SLC4A10: variants seen among roughly 807,000 people sequenced by gnomAD.
SLC4A10 encodes solute carrier family 4 member 10.
Under a neutral mutation model 137.7 loss-of-function variants are expected in SLC4A10, and 42 were observed. The ratio of observed to expected loss-of-function variants is 0.30; its 90% CI spans 0.24 to 0.39. SLC4A10 has a LOEUF of 0.39. SLC4A10 is among the 10% of genes least tolerant of loss of function. SLC4A10 has a pLI of 1.00. For missense variants in SLC4A10, 925 were observed against 1,355.0 expected, an observed-to-expected ratio of 0.68 and a Z score of 4.98; for synonymous variants, 474 against 464.1, an observed-to-expected ratio of 1.02 and a Z score of -0.27.
At chr2:161,824,193 T>A (rs1415853212) in intron 3 of SLC4A10, among the ~76,000 whole-genome samples, 2 of 152,146 alleles carry the variant, frequency 1.3e-5, no homozygotes, top group African/African-American at 4.8e-5. Flanking sequence ...ACAAAACTTA[T>A]AATCAGCTTC....
intron 15 of SLC4A10, among the ~76,000 whole-genome samples, chr2:161,941,196 G>A (rs1367480402): frequency 1.3e-5 from 2 of 152,034 alleles, no homozygotes; most frequent in Non-Finnish European, 2.9e-5. Context: ...TTTCACCAGA[G>A]GCTCAAAATC....
intron 15 of SLC4A10, among the ~76,000 whole-genome samples, chr2:161,939,553 G>A (rs1038658493): frequency 6.6e-6 from 1 of 152,032 alleles, no homozygotes; most frequent in African/African-American, 2.4e-5. Flanking sequence ...ATAGGTAACT[G>A]TCTTTACATT....
intron 1 of SLC4A10, among the ~76,000 whole-genome samples, chr2:161,734,209 G>C (rs2047095558): frequency 6.6e-6 from 1 of 152,164 alleles, no homozygotes; most frequent in African/African-American, 2.4e-5. Context: ...GGGGTGGAAT[G>C]ATATGGTTTG....
At chr2:161,648,042 G>A (rs2036293643) in intron 1 of SLC4A10, among the ~76,000 whole-genome samples, 1 of 152,130 alleles carries the variant, frequency 6.6e-6, no homozygotes, top group Non-Finnish European at 1.5e-5. Context: ...CTGCCTCTGT[G>A]TTCTACATCT....
chr2:161,857,327 G>A (rs545792701), intron 5 of SLC4A10, among the ~76,000 whole-genome samples: 10 of 152,192 alleles, frequency 6.6e-5, no homozygotes, highest in East Asian at 5.8e-4. Flanking sequence ...TATTCTTTCT[G>A]CTCTTCTAAT....
At chr2:161,655,716 CAA>C (rs1476090853) in intron 1 of SLC4A10, among the ~76,000 whole-genome samples, 1 of 152,022 alleles carries the variant, frequency 6.6e-6, no homozygotes, top group African/African-American at 2.4e-5. Flanking sequence ...CAAAACCAGA[CAA>C]AGACATTATA....
chr2:161,713,141 T>C (rs1253325978), intron 1 of SLC4A10, among the ~76,000 whole-genome samples: 5 of 151,866 alleles, frequency 3.3e-5, no homozygotes, highest in African/African-American at 1.2e-4. Context: ...ATAGTTCATT[T>C]TGGCTATAGC....
intron 15 of SLC4A10, among the ~76,000 whole-genome samples, chr2:161,917,495 AC>A (rs1010201215): frequency 7.3e-5 from 11 of 150,644 alleles, no homozygotes; most frequent in Admixed American, 2.7e-4. Context: ...ACTGCCTTGA[AC>A]CCCTGAGGTG....
At chr2:161,648,088 G>T (rs1448612363) in intron 1 of SLC4A10, among the ~76,000 whole-genome samples, 3 of 152,038 alleles carry the variant, frequency 2.0e-5, no homozygotes, top group African/African-American at 7.2e-5. Context: ...TTATTTTCAA[G>T]AAAAAATTTT....
chr2:161,702,198 ACAATGAAATATTATATAG>A (rs777288586), intron 1 of SLC4A10, among the ~76,000 whole-genome samples: 25 of 152,070 alleles, frequency 1.6e-4, no homozygotes, highest in South Asian at 4.1e-4. Context: ...GTATATATAA[ACAATGAAATATTATATAG>A]CCATAAAAAG....
intron 15 of SLC4A10, among the ~76,000 whole-genome samples, chr2:161,912,848 G>A (rs1686178133): frequency 6.6e-6 from 1 of 152,112 alleles, no homozygotes; most frequent in Non-Finnish European, 1.5e-5. Context: ...GAGGATATAA[G>A]AATCTAGAAA....
At chr2:161,909,685 G>T (rs1215403068) in intron 15 of SLC4A10, among the ~76,000 whole-genome samples, 1 of 151,638 alleles carries the variant, frequency 6.6e-6, no homozygotes, top group Non-Finnish European at 1.5e-5. Flanking sequence ...TTGCTCCTTG[G>T]AGTAGCAAAA....
intron 15 of SLC4A10, among the ~76,000 whole-genome samples, chr2:161,914,715 GA>G (rs1686699203): frequency 6.6e-6 from 1 of 152,020 alleles, no homozygotes; most frequent in African/African-American, 2.4e-5. Context: ...TCCTCACTCT[GA>G]AATGATATGA....
rs555739088 is a variant in SLC4A10, at chr2:161,751,921, C to A, written c.49-19052C>A. On this transcript the variant is annotated intron_variant, in intron 1 of 26. Transcript: ENST00000446997. ...TACTCAAGTACATCTTTATACAATC[C>A]TAACCTCCCTATGTCTCAGACCCTT... Among the ~76,000 whole-genome samples the A allele has an allele frequency of 3.6e-4, 55 of 151,944 alleles. No homozygotes were observed. In the South Asian group the frequency reaches 7.5e-3, roughly 21 times the overall value.
chr2:161,964,065 A>T, intron 21 of SLC4A10, 70 bp from the exon 22 acceptor site: 1 of 1,381,954 alleles, frequency 7.2e-7, no homozygotes. Context: ...GGACCATATT[A>T]AACATCAACT....
chr2:161,933,500 C>T (rs967211792), intron 15 of SLC4A10, among the ~76,000 whole-genome samples: 2 of 151,980 alleles, frequency 1.3e-5, no homozygotes, highest in Admixed American at 1.3e-4. Context: ...TCAAGCAATA[C>T]TTCTGCCTCA....
intron 4 of SLC4A10, among the ~76,000 whole-genome samples, chr2:161,845,099 G>T (rs149818749): frequency 1.3e-5 from 2 of 152,122 alleles, no homozygotes; most frequent in East Asian, 3.9e-4. Context: ...CTGCAATCAG[G>T]CATTTTGCAA....
chr2:161,715,882 G>A (rs1406145572), intron 1 of SLC4A10, among the ~76,000 whole-genome samples: 1 of 151,956 alleles, frequency 6.6e-6, no homozygotes, highest in Non-Finnish European at 1.5e-5. Flanking sequence ...TGGTATTTCT[G>A]GTTGCAGGTC....
chr2:161,812,669 G>A (rs1236456397), intron 3 of SLC4A10, among the ~76,000 whole-genome samples: 1 of 152,002 alleles, frequency 6.6e-6, no homozygotes. Flanking sequence ...GCCTCCAGCT[G>A]CATTCATGTT....
Sources: gnomAD v4.1 joint callset for allele counts (sites outside exome capture counted in the v4.1 genomes callset) on GRCh38, gnomAD v4.1.1 for gene constraint, MANE v1.5 for transcripts, NCBI Gene and HGNC (gene_info 2026-07-23, HGNC 2026-07-21) for gene names.